ST7: variants seen among roughly 807,000 people sequenced by gnomAD.
ST7 encodes the protein suppression of tumorigenicity 7, also known as suppressor of tumorigenicity 7 protein.
ST7 carries 28 observed loss-of-function variants against 78.7 expected under a neutral mutation model. The ratio of observed to expected loss-of-function variants is 0.36; its 90% CI spans 0.26 to 0.49. The LOEUF is 0.49. Ranked by LOEUF, ST7 falls within the 20% of genes least tolerant of loss-of-function variation. The pLI is 0.99. For missense variants in ST7, 418 were observed against 696.0 expected (o/e 0.60, Z 4.49); for synonymous variants, 247 against 249.6 (o/e 0.99, Z 0.10).
At chr7:117,103,033 A>T (rs937432593) in intron 2 of ST7, among the ~76,000 whole-genome samples, 9 of 152,178 alleles carry the variant, frequency 5.9e-5, no homozygotes, top group African/African-American at 2.2e-4. Context: ...AAAGTGAAAG[A>T]TGCATACAAG....
chr7:117,221,933 A>C lies in ST7; in HGVS notation c.1509A>C (p.Glu503Asp). The change falls in exon 15 of 16, where the codon GAA becomes GAC. Residue 503 changes from glutamate (E) to aspartate (D), a missense_variant. Glu to Asp is a conservative substitution (Grantham distance 45). Coordinates refer to ENST00000323984, the MANE Select transcript of ST7 (RefSeq NM_001369598.1). ...ADRELLPSFH[E>D]VSVYPKKELP... Reference sequence around the variant, plus strand: ...TGGTCTTCTCCACAGCTTTCCATGAAGTCTCAGTTTACCCAAAGAAGGAGC... The same window carrying C: ...TGGTCTTCTCCACAGCTTTCCATGACGTCTCAGTTTACCCAAAGAAGGAGC... The C allele has an allele frequency of 1.9e-6, 3 of 1,609,942 alleles. No homozygotes were observed. The highest frequency in any genetic ancestry group is 2.5e-6 in the Non-Finnish European group (3 of 1,178,410).
At chr7:117,019,051 G>C (rs565676257) in intron 1 of ST7, among the ~76,000 whole-genome samples, 19 of 152,128 alleles carry the variant, frequency 1.2e-4, no homozygotes, top group Non-Finnish European at 2.4e-4. Flanking sequence ...GTAATATGTG[G>C]TTCCACTTTC....
At chr7:117,147,860 A>T (rs1318738460) in intron 9 of ST7, among the ~76,000 whole-genome samples, 1 of 151,572 alleles carries the variant, frequency 6.6e-6, no homozygotes, top group Non-Finnish European at 1.5e-5. Flanking sequence ...CTCGTCATTG[A>T]TTGATTTTTT....
intron 15 of ST7, chr7:117,223,431 G>T (rs185300116): frequency 7.9e-5 from 14 of 177,692 alleles, no homozygotes; most frequent in Non-Finnish European, 1.6e-4. Flanking sequence ...GTTCAGCATG[G>T]CATCCAAGAC....
At chr7:117,020,340 T>G (rs1177386169) in intron 1 of ST7, 2 of 466,312 alleles carry the variant, frequency 4.3e-6, no homozygotes, top group Non-Finnish European at 7.6e-6. Context: ...CGGCCTTCAT[T>G]TGCCTAGTGG....
At chr7:117,039,506 C>T (rs746120626) in intron 1 of ST7, among the ~76,000 whole-genome samples, 10 of 150,962 alleles carry the variant, frequency 6.6e-5, no homozygotes, top group Non-Finnish European at 1.0e-4. Flanking sequence ...CCTGAAAGGT[C>T]GAGGCTGCAG....
chr7:116,957,837 C>T (rs568099983), intron 1 of ST7, among the ~76,000 whole-genome samples: 20 of 152,332 alleles, frequency 1.3e-4, no homozygotes, highest in South Asian at 6.2e-4. Flanking sequence ...TTTCCTAAAA[C>T]GGGCAACTTT....
chr7:117,061,990 C>T (rs777581134), intron 1 of ST7, among the ~76,000 whole-genome samples: 1 of 152,150 alleles, frequency 6.6e-6, no homozygotes, highest in Non-Finnish European at 1.5e-5. Flanking sequence ...TTCTTTCTCA[C>T]AGTTATGAAG....
intron 1 of ST7, among the ~76,000 whole-genome samples, chr7:117,002,485 A>G (rs964910286): frequency 2.6e-5 from 4 of 152,088 alleles, no homozygotes; most frequent in Non-Finnish European, 5.9e-5. Flanking sequence ...TCAAGGTTCT[A>G]ATACAATATT....
chr7:117,042,971 A>G (rs1004712034), intron 1 of ST7, among the ~76,000 whole-genome samples: 2 of 152,154 alleles, frequency 1.3e-5, no homozygotes, highest in African/African-American at 4.8e-5. Context: ...TAATTCATAC[A>G]TAATTTTTTT....
chr7:117,205,420 T>G (rs1446331169), intron 12 of ST7, among the ~76,000 whole-genome samples: 1 of 152,240 alleles, frequency 6.6e-6, no homozygotes, highest in Non-Finnish European at 1.5e-5. Context: ...CTTTTGCTAA[T>G]GATTTTCATA....
intron 2 of ST7, among the ~76,000 whole-genome samples, chr7:117,111,295 A>T (rs1308408180): frequency 6.6e-6 from 1 of 152,156 alleles, no homozygotes; most frequent in Non-Finnish European, 1.5e-5. Context: ...AACTGCTCTC[A>T]CCTAAGCAAT....
rs1805002455 is a variant in ST7, at chr7:117,138,636, C to A, written c.963+104C>A. 1.4e-5 allele frequency: 11 copies of A among 783,442 alleles called. No individual in the cohort carries two copies. The Admixed American group carries it at 2.5e-4, about 18-fold the overall frequency. 48.5% of individuals were successfully genotyped at this position (783,442 alleles called of 1,614,324 possible). A position where few individuals can be genotyped will look rare whatever the true frequency, so the allele number is the denominator to read the frequency against. ...TGATGGTGTGGTGGTCCCATGGGTT[C>A]TGGAGCCAGACTGTGTGGGGTTCAA... On this transcript the variant is annotated intron_variant, in intron 9 of 15. Transcript: ENST00000323984.
chr7:116,974,072 G>A (rs1158583190), intron 1 of ST7, among the ~76,000 whole-genome samples: 1 of 152,072 alleles, frequency 6.6e-6, no homozygotes, highest in African/African-American at 2.4e-5. Flanking sequence ...TATTGATTGG[G>A]AGAGCCTTAT....
chr7:117,071,755 C>T (rs2116518094), intron 1 of ST7, among the ~76,000 whole-genome samples: 1 of 152,336 alleles, frequency 6.6e-6, no homozygotes, highest in African/African-American at 2.4e-5. Flanking sequence ...AGCTGCATGA[C>T]ATAGCTTGTT....
chr7:117,074,651 G>A (rs554104333), intron 1 of ST7: 135 of 152,226 alleles, frequency 8.9e-4, no homozygotes, highest in African/African-American at 3.1e-3. Flanking sequence ...CAGAGTAATA[G>A]GATTTGTTTT....
chr7:117,161,571 T>C (rs1807148525), intron 9 of ST7, among the ~76,000 whole-genome samples: 1 of 150,372 alleles, frequency 6.7e-6, no homozygotes, highest in South Asian at 2.1e-4. Context: ...GTCTGTTTTT[T>C]CAGTTTGTTT....
At chr7:117,174,607 T>C (rs1420028967) in intron 10 of ST7, among the ~76,000 whole-genome samples, 1 of 152,128 alleles carries the variant, frequency 6.6e-6, no homozygotes, top group Non-Finnish European at 1.5e-5. Context: ...CCCATGCTTT[T>C]AACCACCACA....
At chr7:116,963,619 G>A (rs1258435365) in intron 1 of ST7, among the ~76,000 whole-genome samples, 1 of 150,850 alleles carries the variant, frequency 6.6e-6, no homozygotes, top group African/African-American at 2.4e-5. Context: ...CCCTAACTTT[G>A]GTTCTTTTTT....
Sources: gnomAD v4.1 joint callset for allele counts (sites outside exome capture counted in the v4.1 genomes callset) on GRCh38, gnomAD v4.1.1 for gene constraint, MANE v1.5 for transcripts, NCBI Gene and HGNC (gene_info 2026-07-23, HGNC 2026-07-21) for gene names.